Variants in DICER1 observed in about 807,000 individuals in gnomAD.
The protein encoded by DICER1 is dicer 1, ribonuclease III.
In DICER1, 43 loss-of-function variants were observed where a neutral mutation model predicts 194.1. That is an observed-to-expected ratio of 0.22 (90% CI 0.17 to 0.29). The LOEUF (loss-of-function observed/expected upper bound fraction) is 0.29, where lower values mean the gene tolerates loss of function less well. Among genes scored for constraint, DICER1 ranks in the 10% least tolerant of loss-of-function variants. DICER1 has a pLI of 1.00. For synonymous variants in DICER1, 832 were observed against 820.5 expected, an observed-to-expected ratio of 1.01 and a Z score of -0.24; for missense variants, 1,608 against 2,317.0, an observed-to-expected ratio of 0.69 and a Z score of 6.28.
intron 1 of DICER1, among the ~76,000 whole-genome samples, chr14:95,150,107 A>G (rs761526023): frequency 5.3e-5 from 8 of 152,248 alleles, no homozygotes; most frequent in Non-Finnish European, 1.2e-4. Flanking sequence ...AAACAATTTT[A>G]AAGTTCTTAA....
In DICER1 at chr14:95,116,698, GAA is replaced by G; in HGVS notation, c.1510-5_1510-4del. ...TGTGCTCGAAATTTCCTAAGTACCT[GAA>G]AAAAAAAATCCACCAAGAAAAGCAC... On this transcript the variant is annotated splice_region_variant and splice_polypyrimidine_tract_variant and intron_variant, in intron 9 of 26. Coordinates refer to ENST00000343455, the MANE Select transcript of DICER1 (RefSeq NM_177438.3). 6.5e-7 allele frequency: 1 copy of G among 1,548,354 alleles called. No homozygotes were observed. The highest frequency in any genetic ancestry group is 8.8e-7 in the Non-Finnish European group (1 of 1,133,058).
At position 95,107,953 on chromosome 14, in the gene DICER1, C is replaced by G. The variant is rs1010614154; in HGVS notation, c.2577G>C (p.Arg859=). Residue 859 remains arginine, a synonymous_variant, in exon 16 of 27, where the codon CGG becomes CGC. Transcript: ENST00000343455. ...TAAATTCTAGTGCAGGTTTTTCAAGCCGAAGAATATGTGAGAATATATACT... is the reference window on the plus strand; with the variant it reads ...TAAATTCTAGTGCAGGTTTTTCAAGGCGAAGAATATGTGAGAATATATACT... The part of the protein sequence containing the change: ...LHQYIFSHIL[R]LEKPALEFKP... 9 of 1,613,804 alleles carry G rather than the reference C, an allele frequency of 5.6e-6. No individual in the cohort carries two copies. The African/African-American group carries it at 1.2e-4, about 22-fold the overall frequency.
chr14:95,095,450 T>C (rs1477833598), intron 23 of DICER1: 2 of 249,552 alleles, frequency 8.0e-6, no homozygotes, highest in Non-Finnish European at 1.6e-5. Flanking sequence ...GCTGTGGAAA[T>C]ACATCCAGAA....
chr14:95,139,608 CA>C (rs1894696781), intron 1 of DICER1, among the ~76,000 whole-genome samples: 1 of 152,190 alleles, frequency 6.6e-6, no homozygotes, highest in Non-Finnish European at 1.5e-5. Context: ...TTTCCTGCTA[CA>C]ATGTTCTGTA....
At chr14:95,140,233 C>T (rs1322346203) in intron 1 of DICER1, among the ~76,000 whole-genome samples, 1 of 152,176 alleles carries the variant, frequency 6.6e-6, no homozygotes. Context: ...ATATTATGCA[C>T]TTAGAAATAC....
In DICER1 at chr14:95,105,949, TG is replaced by T; in HGVS notation, c.2987+91del. 6.8e-7 allele frequency: 1 copy of T among 1,463,772 alleles called. No homozygotes were observed. The highest frequency in any genetic ancestry group is 9.6e-7 in the Non-Finnish European group (1 of 1,043,750). 90.7% of individuals were successfully genotyped at this position (1,463,772 alleles called of 1,614,324 possible). A position where few individuals can be genotyped will look rare whatever the true frequency, so the allele number is the denominator to read the frequency against. Reference sequence around the variant, plus strand: ...CTCCTGATTTCAGATAGTCCACGGGTGGGCAGGGGGACAGTGAACCTCTGCA... The same window carrying T: ...CTCCTGATTTCAGATAGTCCACGGGTGGCAGGGGGACAGTGAACCTCTGCA... On this transcript the variant is annotated intron_variant, in intron 18 of 26. Transcript: ENST00000343455. This position sits in a 1 kb window ranked among gnomAD's most constrained non-coding sequence, Gnocchi z 4.9.
intron 6 of DICER1, among the ~76,000 whole-genome samples, chr14:95,127,322 A>C (rs1221777260): frequency 6.6e-6 from 1 of 152,246 alleles, no homozygotes; most frequent in Non-Finnish European, 1.5e-5. Flanking sequence ...AATCAATATA[A>C]AAGGCAGGCT....
chr14:95,129,706 A>G lies in DICER1; in HGVS notation c.574-74T>C. Reference sequence around the variant, plus strand: ...ATAACAAGAGAGACATCGCCATATTAAAACATATCAAAATCACTAACAAAT... The same window carrying G: ...ATAACAAGAGAGACATCGCCATATTGAAACATATCAAAATCACTAACAAAT... On this transcript the variant is annotated intron_variant, in intron 5 of 26. Transcript: ENST00000343455. 2.2e-6 allele frequency: 3 copies of G among 1,345,712 alleles called. No homozygotes were observed. In the African/African-American group the frequency reaches 4.3e-5, roughly 19 times the overall value. The allele number at this position is 1,345,712 out of a possible 1,614,324, so 83.4% of individuals were successfully genotyped here.
At position 95,143,640 on chromosome 14, in the gene DICER1, A is replaced by G. The variant is rs547460549; in HGVS notation, c.-45-10137T>C. ...TGGATGTAATGGATTGTAACCATTT[A>G]GTTACATAAAACAGTAAGATTTCTT... On this transcript the variant is annotated intron_variant, in intron 1 of 26. Coordinates refer to ENST00000343455, the MANE Select transcript of DICER1 (RefSeq NM_177438.3). 2.6e-5 allele frequency among the ~76,000 whole-genome samples: 4 copies of G among 152,332 alleles called. No individual in the cohort carries two copies. The East Asian group carries it at 5.8e-4, about 22-fold the overall frequency.
rs150893725 is a variant in DICER1 at position 95,093,868 on chromosome 14, T to C, written c.5364+20A>G. 6.2e-7 allele frequency: 1 copy of C among 1,613,988 alleles called. No individual in the cohort carries two copies. The highest frequency in any genetic ancestry group is 2.2e-5 in the East Asian group (1 of 44,872). On this transcript the variant is annotated intron_variant, in intron 24 of 26. Transcript: ENST00000343455. ...CCTAGTTAGACCACTTTTTTCAACA[T>C]CGTTTTGAACAGCACTAACCTCAGA...
At chr14:95,128,088 A>G (rs1445756337) in intron 6 of DICER1, among the ~76,000 whole-genome samples, 3 of 152,224 alleles carry the variant, frequency 2.0e-5, no homozygotes, top group Admixed American at 1.3e-4. Flanking sequence ...TTCATTTCTA[A>G]TATCATTCCT....
intron 13 of DICER1, 42 bp downstream of exon 13, chr14:95,112,130 G>A: frequency 1.3e-6 from 2 of 1,530,994 alleles, no homozygotes; most frequent in Non-Finnish European, 1.8e-6. Flanking sequence ...TACAATGGTT[G>A]CAATTTATTT....
At chr14:95,094,276 T>C in intron 23 of DICER1, 120 bp from the exon 24 acceptor site, 1 of 1,287,492 alleles carries the variant, frequency 7.8e-7, no homozygotes, top group Admixed American at 1.9e-5. Flanking sequence ...ATACATATAT[T>C]CTTCAAAAAG....
intron 1 of DICER1, among the ~76,000 whole-genome samples, chr14:95,151,233 C>T (rs1043267958): frequency 3.3e-5 from 5 of 152,186 alleles, no homozygotes; most frequent in African/African-American, 1.2e-4. Context: ...CAGAGACCAA[C>T]TAAGATAGCT....
At chr14:95,129,759 T>C (rs1325980838) in intron 5 of DICER1, 127 bp from the exon 6 acceptor site, 3 of 907,770 alleles carry the variant, frequency 3.3e-6, no homozygotes, top group Non-Finnish European at 5.1e-6. Flanking sequence ...TTGGTGGAAA[T>C]GCCACTATAC....
At chr14:95,104,187 C>A in intron 20 of DICER1, 61 bp from the exon 21 acceptor site, 1 of 1,368,370 alleles carries the variant, frequency 7.3e-7, no homozygotes, top group Non-Finnish European at 1.0e-6. Flanking sequence ...CTGAGAGCAA[C>A]AGCAATTTGA....
In DICER1 at chr14:95,112,107, T is replaced by A. The variant is rs187825570; in HGVS notation, c.2116+65A>T. On this transcript the variant is annotated intron_variant, in intron 13 of 26. Transcript: ENST00000343455. Reference sequence around the variant, plus strand: ...CCTTACAGATCTATAAAGTCCTCTATATGCTTTTTTTTTACAATGGTTGCA... The same window carrying A: ...CCTTACAGATCTATAAAGTCCTCTAAATGCTTTTTTTTTACAATGGTTGCA... The A allele has an allele frequency of 6.1e-3, 8,525 of 1,406,132 alleles. 70 individuals carry two copies. Among genetic ancestry groups the A allele is most frequent in the Non-Finnish European group, 6.2e-3 (6,159 of 992,078 alleles). 87.1% of individuals were successfully genotyped at this position (1,406,132 alleles called of 1,614,324 possible).
At chr14:95,152,181 G>C (rs1320926612) in intron 1 of DICER1, among the ~76,000 whole-genome samples, 1 of 152,212 alleles carries the variant, frequency 6.6e-6, no homozygotes, top group Non-Finnish European at 1.5e-5. Context: ...CCAACAAGGA[G>C]AAAGTCTGCA....
intron 10 of DICER1, 55 bp downstream of exon 10, chr14:95,116,398 G>A: frequency 6.3e-7 from 1 of 1,587,720 alleles, no homozygotes; most frequent in Non-Finnish European, 8.5e-7. Context: ...TAACAAAGAA[G>A]CCACATTAAT....
Sources: allele counts gnomAD v4.1 joint callset (sites outside exome capture counted in the v4.1 genomes callset), GRCh38; gene constraint gnomAD v4.1.1; non-coding constraint Gnocchi (gnomAD v3.1); transcripts MANE v1.5; gene names NCBI Gene and HGNC (gene_info 2026-07-23, HGNC 2026-07-21).